Variants in SEPTIN9 observed in about 807,000 individuals in gnomAD.
SEPTIN9 encodes the protein septin-9.
SEPTIN9 carries 13 observed loss-of-function variants against 56.6 expected under a neutral mutation model. That is an observed-to-expected ratio of 0.23 (90% CI 0.15 to 0.37). SEPTIN9 has a LOEUF of 0.37. Ranked by LOEUF, SEPTIN9 falls within the 10% of genes least tolerant of loss-of-function variation. The probability of loss-of-function intolerance (pLI) is 1.00; values close to 1 mark genes in which losing one functional copy is unlikely to be tolerated. For synonymous variants in SEPTIN9, 332 were observed against 334.1 expected (o/e 0.99, Z 0.07); for missense variants, 650 against 823.1 (o/e 0.79, Z 2.57).
intron 2 of SEPTIN9, among the ~76,000 whole-genome samples, chr17:77,363,177 G>A (rs2034470566): frequency 1.3e-5 from 2 of 152,214 alleles, no homozygotes; most frequent in Non-Finnish European, 2.9e-5. Context: ...ACAGCCGGGA[G>A]TCCAGCTTGG....
intron 1 of SEPTIN9, among the ~76,000 whole-genome samples, chr17:77,286,695 G>A (rs574043457): frequency 1.3e-5 from 2 of 152,300 alleles, no homozygotes; most frequent in Admixed American, 6.5e-5. Context: ...CCCTGTTTCC[G>A]CCCCAGTGTT....
intron 2 of SEPTIN9, among the ~76,000 whole-genome samples, chr17:77,361,294 C>T (rs957881090): frequency 6.6e-6 from 1 of 152,186 alleles, no homozygotes; most frequent in African/African-American, 2.4e-5. Flanking sequence ...ATAGGTACTG[C>T]CTGCGGGACA....
Position 77,402,223 on chromosome 17 carries a change from C to T in SEPTIN9, c.241C>T (p.Leu81=). The T allele has an allele frequency of 6.2e-7, 1 of 1,613,614 alleles. No homozygotes were observed. The highest frequency in any genetic ancestry group is 1.3e-5 in the African/African-American group (1 of 75,056). ...ACCCTCGGCCCGCCATGTGGACTCC[C>T]TAAGCCAACGCTCCCCCAAGGCGTC... ...SEPSARHVDS[L]SQRSPKASLR... The change falls in exon 3 of 12, where the codon CTA becomes TTA. Residue 81 remains leucine, a synonymous_variant. Coordinates refer to ENST00000427177, the MANE Select transcript of SEPTIN9 (RefSeq NM_001113491.2). This position sits in a 1 kb window ranked among gnomAD's most constrained non-coding sequence, Gnocchi z 6.6.
chr17:77,294,215 T>G (rs990570735), intron 1 of SEPTIN9, among the ~76,000 whole-genome samples: 2 of 151,998 alleles, frequency 1.3e-5, no homozygotes, highest in African/African-American at 4.8e-5. Flanking sequence ...GGTCAGGAGT[T>G]TGAAACCAGC....
In SEPTIN9 at chr17:77,445,100, C is replaced by T. The variant is rs78008679; in HGVS notation, c.722-37044C>T. On this transcript the variant is annotated intron_variant, in intron 3 of 11. Coordinates refer to ENST00000427177, the MANE Select transcript of SEPTIN9 (RefSeq NM_001113491.2). This position sits in a 1 kb window ranked among gnomAD's most constrained non-coding sequence, Gnocchi z 4.7. ...CTGTCCCACCATGCCTGCCTGGGGA[C>T]GGCCTTCACTCGGGCTACTCAGGGT... 6,159 of 451,856 alleles carry T rather than the reference C, an allele frequency of 0.014. 221 individuals are homozygous for T. Among genetic ancestry groups the T allele is most frequent in the African/African-American group, 0.079 (3,915 of 49,510 alleles). 28.0% of individuals were successfully genotyped at this position (451,856 alleles called of 1,614,324 possible).
chr17:77,486,115 C>G (rs926603044), intron 4 of SEPTIN9, among the ~76,000 whole-genome samples: 1 of 151,668 alleles, frequency 6.6e-6, no homozygotes, highest in Non-Finnish European at 1.5e-5. Flanking sequence ...CTCGCCTGGC[C>G]GATTTTTGTT....
chr17:77,348,186 C>G (rs2033944401), intron 2 of SEPTIN9, among the ~76,000 whole-genome samples: 1 of 151,754 alleles, frequency 6.6e-6, no homozygotes, highest in South Asian at 2.1e-4. Context: ...ATAGATATGA[C>G]TGGGTTTAGA....
chr17:77,373,586 G>A (rs757589865), intron 2 of SEPTIN9: 13 of 1,539,440 alleles, frequency 8.4e-6, no homozygotes, highest in Middle Eastern at 1.7e-4. Context: ...GGCCGCGGAC[G>A]TGCTGGAGAG....
At chr17:77,463,132 C>A (rs2038556287) in intron 3 of SEPTIN9, among the ~76,000 whole-genome samples, 1 of 152,120 alleles carries the variant, frequency 6.6e-6, no homozygotes, top group Admixed American at 6.5e-5. Flanking sequence ...AGGGAGGGCA[C>A]CTCTTACGTG....
At chr17:77,315,143 C>T (rs1489937678) in intron 2 of SEPTIN9, among the ~76,000 whole-genome samples, 3 of 152,072 alleles carry the variant, frequency 2.0e-5, no homozygotes, top group Admixed American at 6.5e-5. Flanking sequence ...CAGGATTGTC[C>T]GTGAGGGCCG....
chr17:77,390,414 T>C (rs1343204265), intron 2 of SEPTIN9, among the ~76,000 whole-genome samples: 1 of 138,768 alleles, frequency 7.2e-6, no homozygotes, highest in Admixed American at 7.1e-5. Context: ...CTCCCCTTCA[T>C]GTTTCAGAGG....
intron 3 of SEPTIN9, among the ~76,000 whole-genome samples, chr17:77,472,205 G>A (rs2039031060): frequency 6.6e-6 from 1 of 152,302 alleles, no homozygotes; most frequent in East Asian, 1.9e-4. Context: ...GAAAGCGGCG[G>A]GTGGTGTGAG....
At chr17:77,354,730 C>T (rs576622881) in intron 2 of SEPTIN9, among the ~76,000 whole-genome samples, 57 of 152,186 alleles carry the variant, frequency 3.7e-4, no homozygotes, top group African/African-American at 1.4e-3. Flanking sequence ...CCTCCCCCAG[C>T]GCAGGCGCGA....
rs1255443054 is a variant in SEPTIN9 at position 77,326,566 on chromosome 17, G to A, written c.76+19369G>A. Among the ~76,000 whole-genome samples, 2 of 152,222 alleles carry A rather than the reference G, an allele frequency of 1.3e-5. No individual in the cohort carries two copies. The highest frequency in any genetic ancestry group is 2.9e-5 in the Non-Finnish European group (2 of 68,038). ...CGCGGGGGGCTGAGGCCGGCAGCAC[G>A]GCAGGAAGTAAGACTGGGGTTGAAA... On this transcript the variant is annotated intron_variant, in intron 2 of 11. Coordinates refer to ENST00000427177, the MANE Select transcript of SEPTIN9 (RefSeq NM_001113491.2). The surrounding 1 kb of genome is among the most constrained non-coding windows in gnomAD (Gnocchi z 5.1).
intron 3 of SEPTIN9, among the ~76,000 whole-genome samples, chr17:77,422,029 A>AT (rs34662347): frequency 6.6e-6 from 1 of 151,448 alleles, no homozygotes; most frequent in Non-Finnish European, 1.5e-5. Flanking sequence ...TTTAATTTTA[A>AT]TTTTTTTTTG....
chr17:77,301,747 A>T (rs1186700651), intron 1 of SEPTIN9, among the ~76,000 whole-genome samples: 3 of 152,216 alleles, frequency 2.0e-5, no homozygotes, highest in East Asian at 1.9e-4. Flanking sequence ...GACTTCTGTC[A>T]TTATTGAAAA....
At chr17:77,420,386 A>C (rs2036657085) in intron 3 of SEPTIN9, among the ~76,000 whole-genome samples, 1 of 152,102 alleles carries the variant, frequency 6.6e-6, no homozygotes. Flanking sequence ...CGAGGCCCCT[A>C]CTGGGCTGCG....
In SEPTIN9 at chr17:77,433,538, ACC is replaced by A. The variant is rs1179204004; in HGVS notation, c.721+30838_721+30839del. On this transcript the variant is annotated intron_variant, in intron 3 of 11. Transcript: ENST00000427177. The surrounding 1 kb of genome is among the most constrained non-coding windows in gnomAD (Gnocchi z 6.4). ...TGGCGCCCCAGCCACGTTCCCACCC[ACC>A]CCGAGGCCCAGCATGGCCATGCCGG... 6.7e-6 allele frequency among the ~76,000 whole-genome samples: 1 copy of A among 150,272 alleles called. No individual in the cohort carries two copies. Among genetic ancestry groups the A allele is most frequent in the East Asian group, 2.0e-4 (1 of 5,004 alleles).
At chr17:77,283,879 C>T (rs776062316) in intron 1 of SEPTIN9, among the ~76,000 whole-genome samples, 2 of 152,198 alleles carry the variant, frequency 1.3e-5, no homozygotes, top group Non-Finnish European at 2.9e-5. Context: ...TAGTCCTTGC[C>T]TGCAGAGAAC....
Sources: allele counts gnomAD v4.1 joint callset (sites outside exome capture counted in the v4.1 genomes callset), GRCh38; gene constraint gnomAD v4.1.1; non-coding constraint Gnocchi (gnomAD v3.1); transcripts MANE v1.5; gene names NCBI Gene and HGNC (gene_info 2026-07-23, HGNC 2026-07-21).